RAB11FIP4: variants seen among roughly 807,000 people sequenced by gnomAD.
RAB11FIP4 encodes RAB11 family interacting protein 4.
Under a neutral mutation model 74.3 loss-of-function variants are expected in RAB11FIP4, and 23 were observed. The ratio of observed to expected loss-of-function variants is 0.31; its 90% CI spans 0.22 to 0.44. The LOEUF (loss-of-function observed/expected upper bound fraction) is 0.44, where lower values mean the gene tolerates loss of function less well. Ranked by LOEUF, RAB11FIP4 falls within the 20% of genes least tolerant of loss-of-function variation. RAB11FIP4 has a pLI of 1.00. For synonymous variants in RAB11FIP4, 360 were observed against 359.9 expected (o/e 1.00, Z 0.00); for missense variants, 630 against 863.9 (o/e 0.73, Z 3.39).
At chr17:31,430,501 GCGCCCGCCACGA>G (rs2071298975) in intron 1 of RAB11FIP4, among the ~76,000 whole-genome samples, 1 of 151,396 alleles carries the variant, frequency 6.6e-6, no homozygotes, top group African/African-American at 2.4e-5. Flanking sequence ...AGGACTACAG[GCGCCCGCCACGA>G]CGCCCGGCTA....
chr17:31,423,910 C>A (rs1294427481), intron 1 of RAB11FIP4, among the ~76,000 whole-genome samples: 1 of 151,958 alleles, frequency 6.6e-6, no homozygotes, highest in Non-Finnish European at 1.5e-5. Flanking sequence ...AGTTTTAGGT[C>A]CCCCTGTGTG....
chr17:31,537,229 C>T lies in RAB11FIP4; in HGVS notation c.*5497C>T. On this transcript the variant is annotated 3_prime_UTR_variant, in exon 15 of 15. Transcript: ENST00000621161. Reference sequence around the variant, plus strand: ...CTCATCTCCCTGGCCTTTCCCGAGCCCTGTAAATGTGTACTTTTTCAACGT... The same window carrying T: ...CTCATCTCCCTGGCCTTTCCCGAGCTCTGTAAATGTGTACTTTTTCAACGT... 1 of 399,310 alleles carries T rather than the reference C, an allele frequency of 2.5e-6. No individual in the cohort carries two copies. The highest frequency in any genetic ancestry group is 4.4e-6 in the Non-Finnish European group (1 of 226,154). The allele number at this position is 399,310 out of a possible 1,614,324, so 24.7% of individuals were successfully genotyped here. A position where few individuals can be genotyped will look rare whatever the true frequency, so the allele number is the denominator to read the frequency against.
chr17:31,449,794 C>T (rs1326583387), intron 3 of RAB11FIP4, among the ~76,000 whole-genome samples: 2 of 152,184 alleles, frequency 1.3e-5, no homozygotes, highest in Non-Finnish European at 2.9e-5. Context: ...CAGCCTCAAA[C>T]TCCTGGCCTC....
intron 3 of RAB11FIP4, among the ~76,000 whole-genome samples, chr17:31,460,364 C>T (rs933289560): frequency 1.3e-5 from 2 of 152,156 alleles, no homozygotes; most frequent in African/African-American, 2.4e-5. Flanking sequence ...GACCTGGGTC[C>T]GAATCACAGC....
chr17:31,484,673 G>C (rs187652465), intron 3 of RAB11FIP4, among the ~76,000 whole-genome samples: 1 of 151,894 alleles, frequency 6.6e-6, no homozygotes, highest in Non-Finnish European at 1.5e-5. Context: ...CTGCTGGAAA[G>C]TGTTAGCCCT....
intron 1 of RAB11FIP4, among the ~76,000 whole-genome samples, chr17:31,410,585 G>T (rs143295168): frequency 1.3e-5 from 2 of 151,900 alleles, no homozygotes; most frequent in South Asian, 4.1e-4. Flanking sequence ...ATGGTGGTGC[G>T]CACCTGTAGT....
chr17:31,527,806 C>T lies in RAB11FIP4; in HGVS notation c.1275-36C>T, dbSNP rs757361261. ...AGGCGCTTATCAGATAGTCTACATT[C>T]CAGGTTTCTGAGATTTGTCTTTCTC... On this transcript the variant is annotated intron_variant, in intron 10 of 14. Transcript: ENST00000621161. The T allele has an allele frequency of 2.2e-5, 34 of 1,530,398 alleles. 1 individual carries two copies. The South Asian group carries it at 3.2e-4, about 14-fold the overall frequency. 94.8% of individuals were successfully genotyped at this position (1,530,398 alleles called of 1,614,324 possible). A position where few individuals can be genotyped will look rare whatever the true frequency, so the allele number is the denominator to read the frequency against.
chr17:31,530,716 G>T (rs2072856070), intron 14 of RAB11FIP4, among the ~76,000 whole-genome samples: 1 of 152,192 alleles, frequency 6.6e-6, no homozygotes, highest in Non-Finnish European at 1.5e-5. Context: ...GTGAGTCTTA[G>T]GTCGGCCAGA....
chr17:31,494,824 T>C (rs978177075), intron 3 of RAB11FIP4, among the ~76,000 whole-genome samples: 10 of 152,234 alleles, frequency 6.6e-5, no homozygotes, highest in African/African-American at 2.4e-4. Context: ...CAGATACAGA[T>C]TCTGGGTCTG....
At chr17:31,452,209 A>C (rs1035687098) in intron 3 of RAB11FIP4, among the ~76,000 whole-genome samples, 8 of 152,276 alleles carry the variant, frequency 5.3e-5, no homozygotes, top group Admixed American at 5.2e-4. Context: ...CCGTGGGTCC[A>C]GGGCTTTGCC....
At chr17:31,502,555 G>C (rs184022689) in intron 3 of RAB11FIP4, among the ~76,000 whole-genome samples, 3 of 152,280 alleles carry the variant, frequency 2.0e-5, no homozygotes, top group East Asian at 3.9e-4. Context: ...CTCCAGCCTG[G>C]GTGACAGAGC....
intron 1 of RAB11FIP4, among the ~76,000 whole-genome samples, chr17:31,423,111 G>A (rs1289990544): frequency 6.6e-6 from 1 of 152,052 alleles, no homozygotes; most frequent in Admixed American, 6.5e-5. Flanking sequence ...AGTAGAGACG[G>A]GGTTTCACCA....
chr17:31,417,108 G>A (rs927338244), intron 1 of RAB11FIP4, among the ~76,000 whole-genome samples: 5 of 147,338 alleles, frequency 3.4e-5, no homozygotes, highest in South Asian at 2.1e-4. Flanking sequence ...TGCCCTTCAC[G>A]TCCTTCCCCA....
Position 31,512,110 on chromosome 17 carries a change from C to G in RAB11FIP4, c.337-5541C>G, listed in dbSNP as rs2072462542. ...TCTCTGAGGAGGGTGGGCGTCCCTC[C>G]TGGCTGCTCGTCTGTCCAGGACATT... On this transcript the variant is annotated intron_variant, in intron 3 of 14. Transcript: ENST00000621161. This position sits in a 1 kb window ranked among gnomAD's most constrained non-coding sequence, Gnocchi z 4.1. 6.6e-6 allele frequency among the ~76,000 whole-genome samples: 1 copy of G among 152,198 alleles called. No homozygotes were observed. Among genetic ancestry groups the G allele is most frequent in the African/African-American group, 2.4e-5 (1 of 41,450 alleles).
chr17:31,488,252 C>T lies in RAB11FIP4; in HGVS notation c.337-29399C>T, dbSNP rs576562781. On this transcript the variant is annotated intron_variant, in intron 3 of 14. Transcript: ENST00000621161. ...GGGGAGCGGCCCGCGGATGCGCACC[C>T]CGCCAGCTCTCGGGAGCCAGGTAAG... 69 of 1,167,444 alleles carry T rather than the reference C, an allele frequency of 5.9e-5. No homozygotes were observed. The African/African-American group carries it at 1.0e-3, about 17-fold the overall frequency. The allele number at this position is 1,167,444 out of a possible 1,614,324, so 72.3% of individuals were successfully genotyped here.
rs377486767 is a variant in RAB11FIP4, at chr17:31,442,424, A to C, written c.336+8302A>C. On this transcript the variant is annotated intron_variant, in intron 3 of 14. Transcript: ENST00000621161. ...TTTAAAGTAAATCAGAGGTTGGCAA[A>C]TTACAGACCCCACGAGCCAAATCTA... Among the ~76,000 whole-genome samples the C allele has an allele frequency of 1.9e-4, 29 of 152,326 alleles. No individual in the cohort carries two copies. The South Asian group carries it at 5.8e-3, about 30-fold the overall frequency.
intron 1 of RAB11FIP4, among the ~76,000 whole-genome samples, chr17:31,424,047 C>T (rs2071224001): frequency 1.3e-5 from 2 of 152,098 alleles, no homozygotes; most frequent in African/African-American, 4.8e-5. Context: ...CCCCCTTTCC[C>T]GGCTTCTCAT....
At chr17:31,393,023 C>A (rs528340971) in intron 1 of RAB11FIP4, among the ~76,000 whole-genome samples, 1 of 152,332 alleles carries the variant, frequency 6.6e-6, no homozygotes, top group East Asian at 1.9e-4. Flanking sequence ...ATGGGAGAAG[C>A]TGGGTGATGG....
At chr17:31,469,689 G>A (rs2071719863) in intron 3 of RAB11FIP4, among the ~76,000 whole-genome samples, 1 of 151,144 alleles carries the variant, frequency 6.6e-6, no homozygotes, top group Non-Finnish European at 1.5e-5. Flanking sequence ...ATTTTGATTT[G>A]GGGCATAAGG....
Sources: allele counts gnomAD v4.1 joint callset (sites outside exome capture counted in the v4.1 genomes callset), GRCh38; gene constraint gnomAD v4.1.1; non-coding constraint Gnocchi (gnomAD v3.1); transcripts MANE v1.5; gene names NCBI Gene and HGNC (gene_info 2026-07-23, HGNC 2026-07-21).